TICRR: variants seen among roughly 807,000 people sequenced by gnomAD.
The protein encoded by TICRR is treslin.
In TICRR, 132 loss-of-function variants were observed where a neutral mutation model predicts 178.1. The ratio of observed to expected loss-of-function variants is 0.74; its 90% CI spans 0.64 to 0.86. TICRR has a LOEUF of 0.86. TICRR is among the 40% of genes least tolerant of loss of function. The pLI, the probability that TICRR is intolerant of heterozygous loss-of-function variation, is 0.00. For missense variants in TICRR, 2,587 were observed against 2,334.3 expected (o/e 1.11, Z -2.23); for synonymous variants, 991 against 900.7 (o/e 1.10, Z -1.79).
At position 89,584,444 on chromosome 15, in the gene TICRR, G is replaced by C; in HGVS notation, c.1093G>C (p.Gly365Arg). Residue 365 changes from glycine (G) to arginine (R), a missense_variant, in exon 3 of 22, where the codon GGA becomes CGA. By Grantham distance (125) the Gly-to-Arg change is moderately radical (BLOSUM62 -2). Coordinates refer to ENST00000268138, the MANE Select transcript of TICRR (RefSeq NM_152259.4). ...STLGTDSWMLGSPEESTATQR... is the reference protein window; with the variant it reads ...STLGTDSWMLRSPEESTATQR... ...TTTGGGCACTGACAGCTGGATGCTA[G>C]GAAGTCCAGAGGAGAGCACAGCAAC... 6.2e-7 allele frequency: 1 copy of C among 1,613,910 alleles called. No homozygotes were observed. Among genetic ancestry groups the C allele is most frequent in the Non-Finnish European group, 8.5e-7 (1 of 1,179,886 alleles).
At chr15:89,617,784 C>T (rs184593189) in intron 16 of TICRR, among the ~76,000 whole-genome samples, 8 of 151,646 alleles carry the variant, frequency 5.3e-5, no homozygotes, top group South Asian at 2.1e-4. Context: ...GTCTGCCTCC[C>T]GGGTTCAAGC....
intron 1 of TICRR, among the ~76,000 whole-genome samples, chr15:89,581,101 T>C (rs966067652): frequency 6.6e-6 from 1 of 152,242 alleles, no homozygotes; most frequent in African/African-American, 2.4e-5. Flanking sequence ...TTGTCTATCA[T>C]TGCCTTGCTG....
intron 15 of TICRR, among the ~76,000 whole-genome samples, chr15:89,610,293 T>G (rs1327418479): frequency 6.6e-6 from 1 of 152,218 alleles, no homozygotes; most frequent in Non-Finnish European, 1.5e-5. Context: ...TATTTATTAT[T>G]CAAAGTGGCA....
At chr15:89,626,811 C>T (rs1963536240) in intron 21 of TICRR, 145 bp from the exon 22 acceptor site, 1 of 864,524 alleles carries the variant, frequency 1.2e-6, no homozygotes, top group East Asian at 2.4e-5. Context: ...GTGTAGGTAC[C>T]ATTTCTGTAG....
In TICRR at chr15:89,625,524, T is replaced by C; in HGVS notation, c.5214T>C (p.Phe1738=). 2 of 1,613,676 alleles carry C rather than the reference T, an allele frequency of 1.2e-6. No homozygotes were observed. The highest frequency in any genetic ancestry group is 1.3e-5 in the African/African-American group (1 of 74,998). Reference sequence around the variant, plus strand: ...ACAGGACGCCCATCTTGGAGGATTTTGAGCTCGAGGGAGTGTGCCAGCTCC... The same window carrying C: ...ACAGGACGCCCATCTTGGAGGATTTCGAGCTCGAGGGAGTGTGCCAGCTCC... ...SIHRTPILED[F]ELEGVCQLPD... Residue 1738 remains phenylalanine (F), a synonymous_variant, in exon 20 of 22, where the codon TTT becomes TTC. Coordinates refer to ENST00000268138, the MANE Select transcript of TICRR (RefSeq NM_152259.4).
chr15:89,615,075 T>C (rs1326872871), intron 15 of TICRR, among the ~76,000 whole-genome samples: 1 of 152,252 alleles, frequency 6.6e-6, no homozygotes, highest in East Asian at 1.9e-4. Context: ...TCCCCTGTGA[T>C]GTCTCATTCC....
rs757455825 is a variant in TICRR at position 89,623,729 on chromosome 15, A to G, written c.3419A>G (p.Lys1140Arg). The G allele has an allele frequency of 3.1e-6, 5 of 1,614,164 alleles. No homozygotes were observed. The Admixed American group carries it at 6.7e-5, about 22-fold the overall frequency. The stretch of plus-strand genomic sequence containing the variant: ...TTGTATACTCCAGAAAGGCTGCAGA[A>G]GTCCCCTGCAAAAATGACCCCTACA... Reference protein sequence around the residue: ...TPLYTPERLQKSPAKMTPTKQ... With the variant: ...TPLYTPERLQRSPAKMTPTKQ... The change falls in exon 20 of 22, where the codon AAG becomes AGG. Residue 1140 changes from lysine (K) to arginine (R), a missense_variant. Lys to Arg is a conservative substitution (Grantham distance 26). Coordinates refer to ENST00000268138, the MANE Select transcript of TICRR (RefSeq NM_152259.4).
At chr15:89,577,408 T>C (rs1012121520) in intron 1 of TICRR, among the ~76,000 whole-genome samples, 1 of 152,138 alleles carries the variant, frequency 6.6e-6, no homozygotes, top group Admixed American at 6.6e-5. Flanking sequence ...CAAATGTTCA[T>C]TGAGAAGCCA....
At chr15:89,578,627 C>G (rs78185445) in intron 1 of TICRR, among the ~76,000 whole-genome samples, 3 of 151,386 alleles carry the variant, frequency 2.0e-5, no homozygotes, top group Non-Finnish European at 4.4e-5. Context: ...GATTCTTTGT[C>G]TCTCTTTTTT....
chr15:89,625,414 A>C lies in TICRR; in HGVS notation c.5104A>C (p.Arg1702=). 1 of 1,613,970 alleles carries C rather than the reference A, an allele frequency of 6.2e-7. No homozygotes were observed. Among genetic ancestry groups the C allele is most frequent in the African/African-American group, 1.3e-5 (1 of 75,032 alleles). The change falls in exon 20 of 22, where the codon AGG becomes CGG. Residue 1702 remains arginine (R), a synonymous_variant. Transcript: ENST00000268138. ...VGCGAGSSSG[R]GEVGADLPGS... ...CTGTGGCGCCGGCTCCTCTTCCGGGAGGGGCGAGGTCGGTGCAGACCTTCC... is the reference window on the plus strand; with the variant it reads ...CTGTGGCGCCGGCTCCTCTTCCGGGCGGGGCGAGGTCGGTGCAGACCTTCC...
At chr15:89,615,801 G>A (rs945277686) in intron 15 of TICRR, among the ~76,000 whole-genome samples, 16 of 152,092 alleles carry the variant, frequency 1.1e-4, no homozygotes, top group African/African-American at 3.4e-4. Flanking sequence ...ATAAATACTA[G>A]AACCACCAAC....
chr15:89,625,371 G>A lies in TICRR; in HGVS notation c.5061G>A (p.Arg1687=). The change falls in exon 20 of 22, where the codon AGG becomes AGA. Residue 1687 remains arginine (R), a synonymous_variant. Coordinates refer to ENST00000268138, the MANE Select transcript of TICRR (RefSeq NM_152259.4). ...CAGACATAATTAAAGACTGGCCCAG[G>A]AGGAAGAGGGCGGTGGGCTGTGGCG... The part of the protein sequence containing the change: ...TTPDIIKDWP[R]RKRAVGCGAG... 1.2e-6 allele frequency: 2 copies of A among 1,614,028 alleles called. No homozygotes were observed. Among genetic ancestry groups the A allele is most frequent in the South Asian group, 2.2e-5 (2 of 91,086 alleles).
Position 89,584,395 on chromosome 15 carries a change from G to T in TICRR, c.1044G>T (p.Gln348His). The T allele has an allele frequency of 6.2e-7, 1 of 1,614,202 alleles. No homozygotes were observed. Among genetic ancestry groups the T allele is most frequent in the South Asian group, 1.1e-5 (1 of 91,082 alleles). ...VRIFLKGSVA[Q>H]WSLPTSSTLG... ...TTTTTCTAAAAGGCTCAGTGGCCCA[G>T]TGGTCTCTCCCAACGAGCAGCACTT... The change falls in exon 3 of 22, where the codon CAG (glutamine) becomes CAT (histidine). Residue 348 changes from glutamine to histidine, a missense_variant. Coordinates refer to ENST00000268138, the MANE Select transcript of TICRR (RefSeq NM_152259.4).
At position 89,582,863 on chromosome 15, in the gene TICRR, A is replaced by T. The variant is rs201157155; in HGVS notation, c.832A>T (p.Met278Leu). ...SEPHLSPWIS[M>L]LPTDATLNRL... is the part of the protein sequence containing the mutation. ...ACCTCATCTTTCTCCGTGGATTTCA[A>T]TGCTGCCAACTGATGCCACTTTAAA... Residue 278 changes from methionine (M) to leucine (L), a missense_variant, in exon 2 of 22, where the codon ATG becomes TTG. Transcript: ENST00000268138. 1.9e-6 allele frequency: 3 copies of T among 1,614,214 alleles called. No individual in the cohort carries two copies. The highest frequency in any genetic ancestry group is 2.2e-5 in the East Asian group (1 of 44,892).
intron 15 of TICRR, among the ~76,000 whole-genome samples, chr15:89,612,830 T>C (rs1181709904): frequency 6.6e-6 from 1 of 152,264 alleles, no homozygotes; most frequent in Admixed American, 6.5e-5. Flanking sequence ...TGACAGTTTA[T>C]AAAAACTTTG....
At chr15:89,617,249 TA>T (rs1388782706) in intron 16 of TICRR, among the ~76,000 whole-genome samples, 1 of 152,216 alleles carries the variant, frequency 6.6e-6, no homozygotes, top group African/African-American at 2.4e-5. Context: ...ATTATTCGTA[TA>T]TGGATTTTAC....
intron 19 of TICRR, among the ~76,000 whole-genome samples, chr15:89,622,701 C>T (rs1963446454): frequency 6.6e-6 from 1 of 152,194 alleles, no homozygotes; most frequent in African/African-American, 2.4e-5. Flanking sequence ...TCACCCCTCC[C>T]CGCTCCACCT....
intron 13 of TICRR, among the ~76,000 whole-genome samples, chr15:89,603,607 AAATG>A (rs372772030): frequency 6.6e-6 from 1 of 152,224 alleles, no homozygotes; most frequent in East Asian, 1.9e-4. Context: ...ATGAATGAAT[AAATG>A]AATGAATAAC....
chr15:89,619,515 A>T (rs1193249961), intron 17 of TICRR, among the ~76,000 whole-genome samples, 193 bp from the exon 18 acceptor site: 2 of 151,984 alleles, frequency 1.3e-5, no homozygotes, highest in Middle Eastern at 3.2e-3. Flanking sequence ...TTTTTTTAAT[A>T]CCTTGTTGGG....
Sources: gnomAD v4.1 joint callset for allele counts (sites outside exome capture counted in the v4.1 genomes callset) on GRCh38, gnomAD v4.1.1 for gene constraint, MANE v1.5 for transcripts, NCBI Gene and HGNC (gene_info 2026-07-23, HGNC 2026-07-21) for gene names.